Variants in SLC27A6 observed in about 807,000 individuals in gnomAD.
SLC27A6 encodes solute carrier family 27 member 6.
In SLC27A6, 74 loss-of-function variants were observed where a neutral mutation model predicts 63.9. The ratio of observed to expected loss-of-function variants is 1.16; its 90% confidence interval spans 0.96 to 1.40. The LOEUF (loss-of-function observed/expected upper bound fraction) is 1.40, where lower values mean the gene tolerates loss of function less well. Among genes scored for constraint, SLC27A6 ranks in the 40% most tolerant of loss-of-function variants. SLC27A6 has a pLI of 0.00. For synonymous variants in SLC27A6, 287 were observed against 260.8 expected, an observed-to-expected ratio of 1.10 and a Z score of -0.97; for missense variants, 794 against 732.9, an observed-to-expected ratio of 1.08 and a Z score of -0.96.
intron 1 of SLC27A6, among the ~76,000 whole-genome samples, chr5:128,978,299 T>C (rs948104849): frequency 6.6e-6 from 1 of 152,200 alleles, no homozygotes; most frequent in Non-Finnish European, 1.5e-5. Flanking sequence ...TTGGACTATA[T>C]AGTATAGAGA....
chr5:128,970,668 G>T (rs923710910), intron 1 of SLC27A6, among the ~76,000 whole-genome samples: 4 of 151,896 alleles, frequency 2.6e-5, no homozygotes, highest in Non-Finnish European at 5.9e-5. Flanking sequence ...TATTAGTCTT[G>T]CTAGCAGTCT....
chr5:128,996,112 G>A (rs560262030), intron 4 of SLC27A6, among the ~76,000 whole-genome samples: 231 of 152,230 alleles, frequency 1.5e-3, no homozygotes, highest in African/African-American at 5.4e-3. Context: ...TCTGAAGCTC[G>A]AATAGTACAA....
intron 1 of SLC27A6, among the ~76,000 whole-genome samples, chr5:128,979,939 T>C (rs781080677): frequency 7.9e-5 from 12 of 152,208 alleles, no homozygotes; most frequent in Non-Finnish European, 1.5e-4. Context: ...AACTTTGCTA[T>C]GTTAAGTGAG....
chr5:129,033,085 A>C (rs770898241), intron 9 of SLC27A6, 21 bp from the exon 10 acceptor site: 1 of 1,568,166 alleles, frequency 6.4e-7, no homozygotes, highest in Non-Finnish European at 8.7e-7. Flanking sequence ...GATTCTACTC[A>C]TCCTGGTAAT....
intron 4 of SLC27A6, among the ~76,000 whole-genome samples, chr5:128,990,915 G>T (rs1750958815): frequency 6.6e-6 from 1 of 152,234 alleles, no homozygotes; most frequent in Admixed American, 6.5e-5. Flanking sequence ...ATCTGGAGGG[G>T]TGGAAGTCAG....
At chr5:129,007,593 AAC>A (rs1382940389) in intron 4 of SLC27A6, among the ~76,000 whole-genome samples, 3 of 152,110 alleles carry the variant, frequency 2.0e-5, no homozygotes, top group Non-Finnish European at 4.4e-5. Context: ...AAAGAAATTA[AAC>A]ACAATATATT....
intron 4 of SLC27A6, among the ~76,000 whole-genome samples, chr5:128,999,184 C>T: frequency 6.6e-6 from 1 of 152,080 alleles, no homozygotes; most frequent in Middle Eastern, 3.2e-3. Context: ...TTGACTAGAA[C>T]ACGGGGTGCT....
At chr5:128,979,135 A>C (rs1750495504) in intron 1 of SLC27A6, among the ~76,000 whole-genome samples, 1 of 123,740 alleles carries the variant, frequency 8.1e-6, no homozygotes, top group African/African-American at 2.8e-5. Context: ...TTTTAACTGC[A>C]TAATGGCAGA....
rs67093030 is a variant in SLC27A6 at position 129,030,432 on chromosome 5, A to T, written c.1683+725A>T. Among the ~76,000 whole-genome samples, 15 of 151,856 alleles carry T rather than the reference A, an allele frequency of 9.9e-5. No homozygotes were observed. The South Asian group carries it at 1.0e-3, about 11-fold the overall frequency. ...TGTTATTTCACTAATAGACTCCTAG[A>T]GGAGCAATAACCTGTGTCATATTCA... On this transcript the variant is annotated intron_variant, in intron 9 of 9. Coordinates refer to ENST00000262462, the MANE Select transcript of SLC27A6 (RefSeq NM_001017372.3).
chr5:129,009,024 G>A (rs183689259), intron 4 of SLC27A6, among the ~76,000 whole-genome samples: 17 of 151,790 alleles, frequency 1.1e-4, no homozygotes, highest in Admixed American at 1.1e-3. Context: ...CCACTACCAC[G>A]CCCAACTAAT....
intron 4 of SLC27A6, among the ~76,000 whole-genome samples, chr5:129,013,210 G>T (rs931583423): frequency 6.6e-6 from 1 of 151,828 alleles, no homozygotes; most frequent in Non-Finnish European, 1.5e-5. Context: ...TCTTTATAAT[G>T]CAAGAACTTT....
intron 1 of SLC27A6, 107 bp from the exon 2 acceptor site, chr5:128,985,026 G>A (rs1346786676): frequency 4.1e-6 from 3 of 727,190 alleles, no homozygotes; most frequent in Non-Finnish European, 6.8e-6. Context: ...AAGGAAATCA[G>A]CATTTTATTT....
intron 4 of SLC27A6, among the ~76,000 whole-genome samples, chr5:129,013,370 T>G (rs981175123): frequency 6.6e-6 from 1 of 152,148 alleles, no homozygotes; most frequent in Non-Finnish European, 1.5e-5. Context: ...TTTTTATTTG[T>G]GTGAAAACAT....
intron 1 of SLC27A6, among the ~76,000 whole-genome samples, chr5:128,974,372 C>T (rs193128500): frequency 2.6e-5 from 4 of 152,230 alleles, no homozygotes; most frequent in South Asian, 2.1e-4. Flanking sequence ...GTAAGTAGGT[C>T]ACTGGAGAAG....
chr5:129,027,769 A>G (rs1287592193), intron 7 of SLC27A6, among the ~76,000 whole-genome samples: 1 of 152,138 alleles, frequency 6.6e-6, no homozygotes, highest in Non-Finnish European at 1.5e-5. Flanking sequence ...TTACTAGTCC[A>G]ATGACTTGAA....
chr5:128,968,980 A>G (rs1232595930), intron 1 of SLC27A6, among the ~76,000 whole-genome samples: 1 of 152,190 alleles, frequency 6.6e-6, no homozygotes, highest in Non-Finnish European at 1.5e-5. Context: ...CTTTCTACAT[A>G]TGGCTAGCCA....
At position 128,985,230 on chromosome 5, in the gene SLC27A6, C is replaced by T. The variant is rs1290256465; in HGVS notation, c.579C>T (p.Leu193=). ...KDSVPQGVIS[L]KEKLSTSPDE... ...CTGTTCCACAAGGTGTAATTTCACT[C>T]AAAGAAAAACTGAGCACCTCACCTG... Residue 193 remains leucine (L), a synonymous_variant, in exon 2 of 10, where the codon CTC becomes CTT. Transcript: ENST00000262462. The T allele has an allele frequency of 1.2e-6, 2 of 1,613,892 alleles. No homozygotes were observed. The highest frequency in any genetic ancestry group is 1.1e-5 in the South Asian group (1 of 91,068).
intron 1 of SLC27A6, among the ~76,000 whole-genome samples, chr5:128,981,817 C>CTTTTCT (rs761984176): frequency 3.4e-5 from 5 of 146,392 alleles, no homozygotes; most frequent in Non-Finnish European, 6.0e-5. Context: ...CTTTTCTTTT[C>CTTTTCT]TTTTTTTTTT....
At chr5:128,986,505 A>G (rs545357109) in intron 2 of SLC27A6, among the ~76,000 whole-genome samples, 6 of 152,328 alleles carry the variant, frequency 3.9e-5, no homozygotes, top group South Asian at 2.1e-4. Context: ...TTGCATAGTA[A>G]AATTTTTCTT....
Sources: allele counts gnomAD v4.1 joint callset (sites outside exome capture counted in the v4.1 genomes callset), GRCh38; gene constraint gnomAD v4.1.1; transcripts MANE v1.5; gene names NCBI Gene and HGNC (gene_info 2026-07-23, HGNC 2026-07-21).